The following ZFPM1 variants were observed in gnomAD, a reference collection of about 807,000 sequenced individuals.
ZFPM1 encodes zinc finger protein ZFPM1.
ZFPM1 carries 28 observed loss-of-function variants against 46.3 expected under a neutral mutation model. The observed-to-expected ratio is 0.60, with a 90% CI of 0.45 to 0.83. The LOEUF (loss-of-function observed/expected upper bound fraction) is 0.83, where lower values mean the gene tolerates loss of function less well. ZFPM1 is among the 40% of genes least tolerant of loss of function. The pLI, the probability that ZFPM1 is intolerant of heterozygous loss-of-function variation, is 0.00. For synonymous variants in ZFPM1, 957 were observed against 675.9 expected, an observed-to-expected ratio of 1.42 and a Z score of -6.45; for missense variants, 1,878 against 1,432.4, an observed-to-expected ratio of 1.31 and a Z score of -5.02.
At chr16:88,456,263 G>A (rs74032871) in intron 1 of ZFPM1, among the ~76,000 whole-genome samples, 1 of 152,262 alleles carries the variant, frequency 6.6e-6, no homozygotes, top group Non-Finnish European at 1.5e-5. Flanking sequence ...CCGAGTCCTC[G>A]TAGATGGTGC....
chr16:88,534,256 C>A lies in ZFPM1; in HGVS notation c.2298C>A (p.Pro766=). 1.9e-6 allele frequency: 2 copies of A among 1,059,648 alleles called. No individual in the cohort carries two copies. The highest frequency in any genetic ancestry group is 2.3e-6 in the Non-Finnish European group (2 of 881,828). The allele number at this position is 1,059,648 out of a possible 1,614,324, so 65.6% of individuals were successfully genotyped here. A position where few individuals can be genotyped will look rare whatever the true frequency, so the allele number is the denominator to read the frequency against. The part of the protein sequence containing the change: ...PPPPPGHAPA[P]ESPRPGSGSG... ...CGCCGCCCGGCCACGCCCCCGCGCC[C>A]GAGTCGCCGCGGCCCGGAAGCGGAA... The change falls in exon 10 of 10, where the codon CCC becomes CCA. Residue 766 remains proline (P), a synonymous_variant. Transcript: ENST00000319555.
intron 6 of ZFPM1, among the ~76,000 whole-genome samples, chr16:88,529,341 A>G (rs9302772): frequency 0.82 from 125,506 of 152,214 alleles, 53,287 homozygotes; most frequent in Non-Finnish European, 0.92. Context: ...CAGAGTCACA[A>G]AACTGGAAGA....
At position 88,520,571 on chromosome 16, in the gene ZFPM1, T is replaced by TG. The variant is rs141913920; in HGVS notation, c.402+6053dup. ...AAGGATGGATGGATGGATGGATGGA[T>TG]GGATGGATGGATGGATGGGAGGGTG... On this transcript the variant is annotated intron_variant, in intron 4 of 9. Transcript: ENST00000319555. Among the ~76,000 whole-genome samples the TG allele has an allele frequency of 7.4e-5, 9 of 121,674 alleles. No individual in the cohort carries two copies. The East Asian group carries it at 2.1e-3, about 28-fold the overall frequency. The allele number at this position is 121,674 out of a possible 152,430, so 79.8% of individuals were successfully genotyped here.
intron 3 of ZFPM1, among the ~76,000 whole-genome samples, chr16:88,510,658 C>T (rs1487162411): frequency 6.6e-6 from 1 of 152,002 alleles, no homozygotes; most frequent in African/African-American, 2.4e-5. Context: ...GCCTAGGTCC[C>T]GCCCCCTCCT....
In ZFPM1 at chr16:88,534,820, C is replaced by T. The variant is rs148439473; in HGVS notation, c.2862C>T (p.Asp954=). The change falls in exon 10 of 10, where the codon GAC becomes GAT. Residue 954 remains aspartate, a synonymous_variant. Transcript: ENST00000319555. The stretch of plus-strand genomic sequence containing the variant: ...CGCCGGCGCCCCCCTCCTACTCGGA[C>T]AAGGGCGTCCAGACTCCCAGCAAGG... ...PPPPAPPSYS[D]KGVQTPSKGT... The T allele has an allele frequency of 3.3e-6, 5 of 1,529,826 alleles. No homozygotes were observed. In the South Asian group the frequency reaches 3.6e-5, roughly 11 times the overall value. The allele number at this position is 1,529,826 out of a possible 1,614,324, so 94.8% of individuals were successfully genotyped here. A position where few individuals can be genotyped will look rare whatever the true frequency, so the allele number is the denominator to read the frequency against.
intron 1 of ZFPM1, among the ~76,000 whole-genome samples, chr16:88,483,623 G>C (rs987470553): frequency 7.9e-5 from 12 of 152,208 alleles, no homozygotes; most frequent in Non-Finnish European, 1.5e-4. Context: ...CATTGTTTTC[G>C]GCCGGGGCCC....
At chr16:88,501,620 AGATAGTGGGCCTGGG>A (rs1446760503) in intron 3 of ZFPM1, among the ~76,000 whole-genome samples, 20 of 129,814 alleles carry the variant, frequency 1.5e-4, no homozygotes, top group East Asian at 2.5e-4. Context: ...GTGATGATGG[AGATAGTGGGCCTGGG>A]TGCGTGGGCC....
intron 4 of ZFPM1, among the ~76,000 whole-genome samples, chr16:88,514,889 C>T (rs1053445427): frequency 6.6e-6 from 1 of 152,138 alleles, no homozygotes; most frequent in East Asian, 1.9e-4. Flanking sequence ...CAGCAGAGAG[C>T]GAGAGGGTAG....
chr16:88,501,201 C>T (rs1910267648), intron 3 of ZFPM1, among the ~76,000 whole-genome samples: 1 of 125,886 alleles, frequency 7.9e-6, no homozygotes, highest in Non-Finnish European at 1.7e-5. Context: ...CCCGCAGGTG[C>T]TGGTGATGAT....
intron 1 of ZFPM1, among the ~76,000 whole-genome samples, chr16:88,484,005 G>A (rs1909083351): frequency 6.6e-6 from 1 of 152,222 alleles, no homozygotes; most frequent in East Asian, 1.9e-4. Flanking sequence ...ACGCTGGCGG[G>A]TGGCACGTTT....
At chr16:88,482,239 G>C (rs553519822) in intron 1 of ZFPM1, among the ~76,000 whole-genome samples, 1 of 152,144 alleles carries the variant, frequency 6.6e-6, no homozygotes, top group Non-Finnish European at 1.5e-5. Flanking sequence ...CAAGTGCTCT[G>C]TCGCCCACCT....
At chr16:88,496,677 T>C (rs4782304) in intron 3 of ZFPM1, among the ~76,000 whole-genome samples, 27,837 of 151,808 alleles carry the variant, frequency 0.18, 2,824 homozygotes, top group East Asian at 0.28. Context: ...GAGAGGGGGC[T>C]TGGGGTGGGG....
At chr16:88,484,387 C>T (rs912218260) in intron 1 of ZFPM1, among the ~76,000 whole-genome samples, 2 of 152,250 alleles carry the variant, frequency 1.3e-5, no homozygotes, top group Non-Finnish European at 2.9e-5. Flanking sequence ...AACGCTCAGG[C>T]CTTCCCTCTG....
intron 4 of ZFPM1, among the ~76,000 whole-genome samples, chr16:88,525,867 A>G (rs1912273460): frequency 1.3e-5 from 2 of 152,210 alleles, no homozygotes; most frequent in African/African-American, 4.8e-5. Flanking sequence ...CAATGGATGC[A>G]GGAAACGAGG....
chr16:88,532,481 GA>G, intron 7 of ZFPM1, 132 bp from the exon 8 acceptor site: 2 of 958,634 alleles, frequency 2.1e-6, no homozygotes, highest in Non-Finnish European at 3.1e-6. Context: ...GGAGGAGGAG[GA>G]GGGGTTTAAA....
chr16:88,500,031 G>A (rs1910162432), intron 3 of ZFPM1, among the ~76,000 whole-genome samples: 1 of 152,206 alleles, frequency 6.6e-6, no homozygotes, highest in African/African-American at 2.4e-5. Flanking sequence ...ACCACCTTCC[G>A]GGAGAGGCTA....
In ZFPM1 at chr16:88,532,814, C is replaced by A; in HGVS notation, c.1068C>A (p.Ile356=). 6.2e-7 allele frequency: 1 copy of A among 1,613,350 alleles called. No individual in the cohort carries two copies. The highest frequency in any genetic ancestry group is 8.5e-7 in the Non-Finnish European group (1 of 1,179,958). Residue 356 remains isoleucine (I), a synonymous_variant, in exon 9 of 10, where the codon ATC becomes ATA. Coordinates refer to ENST00000319555, the MANE Select transcript of ZFPM1 (RefSeq NM_153813.3). ...LSGVCHSCGF[I]STTRDILYSH... is the part of the protein sequence containing the mutation. ...GTGTCTGCCACAGCTGTGGCTTCAT[C>A]TCCACCACAAGGGACATCCTCTACA...
chr16:88,521,213 C>G (rs1196096066), intron 4 of ZFPM1, among the ~76,000 whole-genome samples: 1 of 151,724 alleles, frequency 6.6e-6, no homozygotes, highest in Non-Finnish European at 1.5e-5. Flanking sequence ...TTTCCCACTG[C>G]CACTCCATGC....
intron 6 of ZFPM1, among the ~76,000 whole-genome samples, chr16:88,528,932 C>T (rs534114247): frequency 1.3e-5 from 2 of 152,192 alleles, no homozygotes; most frequent in Non-Finnish European, 2.9e-5. Context: ...TGGACAGATG[C>T]CACTCTTGCA....
Sources: gnomAD v4.1 joint callset for allele counts (sites outside exome capture counted in the v4.1 genomes callset) on GRCh38, gnomAD v4.1.1 for gene constraint, MANE v1.5 for transcripts, NCBI Gene and HGNC (gene_info 2026-07-23, HGNC 2026-07-21) for gene names.